The following GADD45G variants were observed in gnomAD, a reference collection of about 807,000 sequenced individuals.
GADD45G encodes growth arrest and DNA damage inducible gamma, also known as growth arrest and DNA damage-inducible protein GADD45 gamma.
A neutral mutation model predicts 17.3 loss-of-function variants in GADD45G; 7 were observed. The ratio of observed to expected loss-of-function variants is 0.41; its 90% CI spans 0.23 to 0.76. The LOEUF (loss-of-function observed/expected upper bound fraction) is 0.76, where lower values mean the gene tolerates loss of function less well. GADD45G is among the 30% of genes least tolerant of loss of function. The pLI is 0.34. For synonymous variants in GADD45G, 93 were observed against 94.9 expected (o/e 0.98, Z 0.12); for missense variants, 149 against 219.2 (o/e 0.68, Z 2.02).
chr9:89,605,200 C>T, intron 1 of GADD45G, 26 bp downstream of exon 1: 1 of 1,607,230 alleles, frequency 6.2e-7, no homozygotes, highest in East Asian at 2.2e-5. Flanking sequence ...CTGAGAAAGC[C>T]GCTGGTCGGT....
At chr9:89,605,921 C>T in intron 3 of GADD45G, 41 bp downstream of exon 3, 2 of 1,586,818 alleles carry the variant, frequency 1.3e-6, no homozygotes, top group African/African-American at 1.3e-5. Flanking sequence ...AGTGTCGTTC[C>T]CGCCTCGGCC....
In GADD45G at chr9:89,605,458, A is replaced by G. The variant is rs1346719183; in HGVS notation, c.80A>G (p.His27Arg). 1.3e-6 allele frequency: 2 copies of G among 1,559,000 alleles called. No individual in the cohort carries two copies. The highest frequency in any genetic ancestry group is 1.7e-6 in the Non-Finnish European group (2 of 1,151,260). Residue 27 changes from histidine to arginine, a missense_variant, in exon 2 of 4, where the codon CAT becomes CGT. Transcript: ENST00000252506. ...ATGCAGGGTGCCGGGAAAGCGCTGC[A>G]TGAGTTGCTGCTGTCGGCGCAGCGT... ...ARMQGAGKAL[H>R]ELLLSAQRQG...
At chr9:89,605,343 G>A in intron 1 of GADD45G, 89 bp from the exon 2 acceptor site, 1 of 1,130,292 alleles carries the variant, frequency 8.8e-7, no homozygotes, top group Non-Finnish European at 1.3e-6. Flanking sequence ...TTGGAGTTGG[G>A]GAGCCAAGGG....
rs1334075347 is a variant in GADD45G, at chr9:89,605,014, A to C, written c.-108A>C. 2 of 863,862 alleles carry C rather than the reference A, an allele frequency of 2.3e-6. No individual in the cohort carries two copies. Among genetic ancestry groups the C allele is most frequent in the Non-Finnish European group, 1.9e-6 (1 of 524,520 alleles). 53.5% of individuals were successfully genotyped at this position (863,862 alleles called of 1,614,324 possible). ...AGGGCGCGCAGCGTAGTAGGGGCGC[A>C]CTCGCTGGTGGTGGGCGCGCCGTGC... On this transcript the variant is annotated 5_prime_UTR_variant, in exon 1 of 4. Coordinates refer to ENST00000252506, the MANE Select transcript of GADD45G (RefSeq NM_006705.4).
Position 89,605,157 on chromosome 9 carries a change from T to C in GADD45G, c.36T>C (p.Val12=), listed in dbSNP as rs570704051. The C allele has an allele frequency of 6.2e-7, 1 of 1,613,874 alleles. No individual in the cohort carries two copies. The highest frequency in any genetic ancestry group is 2.2e-5 in the East Asian group (1 of 44,872). Residue 12 remains valine, a synonymous_variant, in exon 1 of 4, where the codon GTT becomes GTC. Transcript: ENST00000252506. ...TLEEVRGQDT[V]PESTARMQGA... ...AAGAAGTCCGCGGCCAGGACACAGTTCCGGAAAGCACAGCCAGGTGGGTTT... is the reference window on the plus strand; with the variant it reads ...AAGAAGTCCGCGGCCAGGACACAGTCCCGGAAAGCACAGCCAGGTGGGTTT...
Position 89,606,278 on chromosome 9 carries a change from T to C in GADD45G, c.*199T>C. The stretch of plus-strand genomic sequence containing the variant: ...GCGGCAGGGCCAGGCTGGTCCGAGC[T>C]GAGGACTCTGCAAGTGTCTGGAGCG... On this transcript the variant is annotated 3_prime_UTR_variant, in exon 4 of 4. Coordinates refer to ENST00000252506, the MANE Select transcript of GADD45G (RefSeq NM_006705.4). 3 of 602,026 alleles carry C rather than the reference T, an allele frequency of 5.0e-6. No individual in the cohort carries two copies. The highest frequency in any genetic ancestry group is 5.9e-5 in the Admixed American group (2 of 33,776). 37.3% of individuals were successfully genotyped at this position (602,026 alleles called of 1,614,324 possible).
In GADD45G at chr9:89,605,862, G is replaced by T. The variant is rs1827515988; in HGVS notation, c.351G>T (p.Leu117=). 6.2e-7 allele frequency: 1 copy of T among 1,611,436 alleles called. No individual in the cohort carries two copies. The highest frequency in any genetic ancestry group is 1.7e-5 in the Admixed American group (1 of 59,798). Residue 117 remains leucine, a synonymous_variant, in exon 3 of 4, where the codon CTG becomes CTT. Transcript: ENST00000252506. ...AGEEAGAPGD[L]HCILISNPNE... ...AGGAGGCGGGTGCGCCGGGCGACCT[G>T]CACTGCATCCTCATTTCGGTGAGTA...
In GADD45G at chr9:89,606,188, G is replaced by A; in HGVS notation, c.*109G>A. On this transcript the variant is annotated 3_prime_UTR_variant, in exon 4 of 4. Coordinates refer to ENST00000252506, the MANE Select transcript of GADD45G (RefSeq NM_006705.4). ...CGAGGGTGCCCGAGTGCGGCGTGGA[G>A]ACTGGCAGGCGGGGGGGGCGCCTGG... 3 of 823,092 alleles carry A rather than the reference G, an allele frequency of 3.6e-6. No homozygotes were observed. The highest frequency in any genetic ancestry group is 1.6e-5 in the South Asian group (1 of 62,946). The allele number at this position is 823,092 out of a possible 1,614,324, so 51.0% of individuals were successfully genotyped here.
chr9:89,606,186 G>A lies in GADD45G; in HGVS notation c.*107G>A. ...TCCGAGGGTGCCCGAGTGCGGCGTG[G>A]AGACTGGCAGGCGGGGGGGGCGCCT... On this transcript the variant is annotated 3_prime_UTR_variant, in exon 4 of 4. Coordinates refer to ENST00000252506, the MANE Select transcript of GADD45G (RefSeq NM_006705.4). 1.2e-6 allele frequency: 1 copy of A among 829,268 alleles called. No homozygotes were observed. The highest frequency in any genetic ancestry group is 1.6e-5 in the South Asian group (1 of 63,374). The allele number at this position is 829,268 out of a possible 1,614,324, so 51.4% of individuals were successfully genotyped here. A position where few individuals can be genotyped will look rare whatever the true frequency, so the allele number is the denominator to read the frequency against.
Position 89,606,306 on chromosome 9 carries a change from T to A in GADD45G, c.*227T>A. Reference sequence around the variant, plus strand: ...GGACTCTGCAAGTGTCTGGAGCGGCTGCTCGCCCAGGAAGGCCTAGGCTAG... The same window carrying A: ...GGACTCTGCAAGTGTCTGGAGCGGCAGCTCGCCCAGGAAGGCCTAGGCTAG... On this transcript the variant is annotated 3_prime_UTR_variant, in exon 4 of 4. Transcript: ENST00000252506. 1.7e-6 allele frequency: 1 copy of A among 577,988 alleles called. No homozygotes were observed. Among genetic ancestry groups the A allele is most frequent in the African/African-American group, 1.9e-5 (1 of 52,994 alleles). 35.8% of individuals were successfully genotyped at this position (577,988 alleles called of 1,614,324 possible). A position where few individuals can be genotyped will look rare whatever the true frequency, so the allele number is the denominator to read the frequency against.
Position 89,606,106 on chromosome 9 carries a change from C to A in GADD45G, c.*27C>A. 2 of 1,542,482 alleles carry A rather than the reference C, an allele frequency of 1.3e-6. No homozygotes were observed. The highest frequency in any genetic ancestry group is 8.9e-7 in the Non-Finnish European group (1 of 1,124,612). ...AGCCCGGCGGGGACCTTGGTCTGAT[C>A]GACGTGGTGACGCCCCGGGGCGCCT... is the stretch of plus-strand genomic sequence containing the variant. On this transcript the variant is annotated 3_prime_UTR_variant, in exon 4 of 4. Coordinates refer to ENST00000252506, the MANE Select transcript of GADD45G (RefSeq NM_006705.4).
rs1827524933 is a variant in GADD45G, at chr9:89,606,242, G to C, written c.*163G>C. ...GCGAGGAGGCGCGGCCTCCCGAGGA[G>C]GGGCCCGGTGGCGGCAGGGCCAGGC... On this transcript the variant is annotated 3_prime_UTR_variant, in exon 4 of 4. Coordinates refer to ENST00000252506, the MANE Select transcript of GADD45G (RefSeq NM_006705.4). 3 of 630,406 alleles carry C rather than the reference G, an allele frequency of 4.8e-6. No homozygotes were observed. Among genetic ancestry groups the C allele is most frequent in the Non-Finnish European group, 8.5e-6 (3 of 353,490 alleles). The allele number at this position is 630,406 out of a possible 1,614,324, so 39.1% of individuals were successfully genotyped here. A position where few individuals can be genotyped will look rare whatever the true frequency, so the allele number is the denominator to read the frequency against.
chr9:89,605,147 A>G lies in GADD45G; in HGVS notation c.26A>G (p.Gln9Arg). Residue 9 changes from glutamine to arginine, a missense_variant, in exon 1 of 4, where the codon CAG (glutamine) becomes CGG (arginine). Around this residue, in one of 3 missense-constraint regions of GADD45G, gnomAD observed 37 missense variants for 34.9 expected, o/e 1.06. Transcript: ENST00000252506. MTLEEVRG[Q>R]DTVPESTARM... is the part of the protein sequence containing the mutation. ...ATGACTCTGGAAGAAGTCCGCGGCC[A>G]GGACACAGTTCCGGAAAGCACAGCC... 6.2e-7 allele frequency: 1 copy of G among 1,613,990 alleles called. No individual in the cohort carries two copies. Among genetic ancestry groups the G allele is most frequent in the Non-Finnish European group, 8.5e-7 (1 of 1,179,866 alleles).
At chr9:89,605,317 C>A in intron 1 of GADD45G, 115 bp from the exon 2 acceptor site, 2 of 1,107,088 alleles carry the variant, frequency 1.8e-6, no homozygotes, top group Non-Finnish European at 2.7e-6. Flanking sequence ...GGCGCTGAGC[C>A]GGGATTGGAG....
Position 89,605,133 on chromosome 9 carries a change from A to G in GADD45G, c.12A>G (p.Glu4=), listed in dbSNP as rs1827498907. ...TGGTTGATCGCACTATGACTCTGGA[A>G]GAAGTCCGCGGCCAGGACACAGTTC... MTL[E]EVRGQDTVPE... is the part of the protein sequence containing the mutation. Residue 4 remains glutamate (E), a synonymous_variant, in exon 1 of 4, where the codon GAA becomes GAG. Coordinates refer to ENST00000252506, the MANE Select transcript of GADD45G (RefSeq NM_006705.4). The G allele has an allele frequency of 1.2e-6, 2 of 1,613,896 alleles. No homozygotes were observed. Among genetic ancestry groups the G allele is most frequent in the Middle Eastern group, 1.6e-4 (1 of 6,062 alleles).
In GADD45G at chr9:89,606,201, G is replaced by C. The variant is rs1002233941; in HGVS notation, c.*122G>C. 8 of 747,212 alleles carry C rather than the reference G, an allele frequency of 1.1e-5. No homozygotes were observed. The highest frequency in any genetic ancestry group is 7.0e-5 in the African/African-American group (4 of 56,982). The allele number at this position is 747,212 out of a possible 1,614,324, so 46.3% of individuals were successfully genotyped here. The stretch of plus-strand genomic sequence containing the variant: ...GTGCGGCGTGGAGACTGGCAGGCGG[G>C]GGGGGCGCCTGGAGAGCGAGGAGGC... On this transcript the variant is annotated 3_prime_UTR_variant, in exon 4 of 4. Transcript: ENST00000252506.
chr9:89,605,927 C>T (rs1304954384), intron 3 of GADD45G, 42 bp from the exon 4 acceptor site: 2 of 1,588,634 alleles, frequency 1.3e-6, no homozygotes, highest in African/African-American at 2.7e-5. Flanking sequence ...GTTCCCGCCT[C>T]GGCCCGCGGC....
chr9:89,606,190 C>G lies in GADD45G; in HGVS notation c.*111C>G. The G allele has an allele frequency of 1.2e-6, 1 of 810,202 alleles. No homozygotes were observed. The highest frequency in any genetic ancestry group is 2.0e-6 in the Non-Finnish European group (1 of 494,816). The allele number at this position is 810,202 out of a possible 1,614,324, so 50.2% of individuals were successfully genotyped here. ...AGGGTGCCCGAGTGCGGCGTGGAGA[C>G]TGGCAGGCGGGGGGGGCGCCTGGAG... is the stretch of plus-strand genomic sequence containing the variant. On this transcript the variant is annotated 3_prime_UTR_variant, in exon 4 of 4. Transcript: ENST00000252506.
intron 1 of GADD45G, 37 bp from the exon 2 acceptor site, chr9:89,605,395 C>A (rs778497103): frequency 6.8e-5 from 101 of 1,477,528 alleles, no homozygotes; most frequent in Non-Finnish European, 8.8e-5. Context: ...CCGCGCCCTC[C>A]GGCCGGCTCC....
Sources: allele counts gnomAD v4.1 joint callset, GRCh38; gene constraint gnomAD v4.1.1; regional missense constraint gnomAD v4.1.1; transcripts MANE v1.5; gene names NCBI Gene and HGNC (gene_info 2026-07-23, HGNC 2026-07-21).